Variants in ADGRE2 observed in about 807,000 individuals in gnomAD.
ADGRE2 encodes adhesion G protein-coupled receptor E2, also known as CD97 antigen.
In ADGRE2, 83 loss-of-function variants were observed where a neutral mutation model predicts 100.8. The observed-to-expected ratio is 0.82, with a 90% CI of 0.69 to 0.99. The LOEUF is 0.99. ADGRE2 is among the 50% of genes least tolerant of loss of function. The probability of loss-of-function intolerance (pLI) is 0.00; values close to 1 mark genes in which losing one functional copy is unlikely to be tolerated. For missense variants in ADGRE2, 814 were observed against 1,035.7 expected, an observed-to-expected ratio of 0.79 and a Z score of 2.94; for synonymous variants, 355 against 413.0, an observed-to-expected ratio of 0.86 and a Z score of 1.70.
In ADGRE2 at chr19:14,759,944, G is replaced by T. The variant is rs981086664; in HGVS notation, c.1085-3599C>A. On this transcript the variant is annotated intron_variant, in intron 11 of 20. Transcript: ENST00000315576. ...CGCCATTCTCCTGCCTCAGTCTCCC[G>T]AGTAGCTGGGACTACAGGCACCCGC... Among the ~76,000 whole-genome samples, 14 of 149,460 alleles carry T rather than the reference G, an allele frequency of 9.4e-5. No homozygotes were observed. The East Asian group carries it at 2.6e-3, about 28-fold the overall frequency.
At chr19:14,759,505 T>TATATATATATATA (rs60321111) in intron 11 of ADGRE2, among the ~76,000 whole-genome samples, 79 of 61,396 alleles carry the variant, frequency 1.3e-3, no homozygotes, top group African/African-American at 4.6e-3. Flanking sequence ...ATATATATAT[T>TATATATATATATA]TTTTTTTTTT....
the ADGRE2 span, among the ~76,000 whole-genome samples, chr19:14,725,415 CA>C: frequency 6.6e-6 from 1 of 152,134 alleles, no homozygotes; most frequent in African/African-American, 2.4e-5. Context: ...TTGCAAAATA[CA>C]ATCATCCCTT....
At position 14,776,948 on chromosome 19, in the gene ADGRE2, A is replaced by G. The variant is rs1269858024; in HGVS notation, c.-171-21T>C. 1.4e-4 allele frequency: 197 copies of G among 1,426,608 alleles called. 6 individuals carry two copies. The highest frequency in any genetic ancestry group is 1.3e-3 in the South Asian group (93 of 70,012). The allele number at this position is 1,426,608 out of a possible 1,614,324, so 88.4% of individuals were successfully genotyped here. On this transcript the variant is annotated intron_variant, in intron 1 of 20. Transcript: ENST00000315576. ...TGCAGCTGGAAGCCAGCAGGAAAGC[A>G]CAATAAAAACACAGAACCAGGGGCG...
At chr19:14,756,147 C>A in intron 12 of ADGRE2, 91 bp downstream of exon 12, 1 of 1,065,792 alleles carries the variant, frequency 9.4e-7, no homozygotes, top group Non-Finnish European at 1.4e-6. Context: ...CCACACTTCC[C>A]TTTAATCTTT....
At chr19:14,736,458 A>G (rs1379212303) in intron 20 of ADGRE2, among the ~76,000 whole-genome samples, 3 of 151,912 alleles carry the variant, frequency 2.0e-5, no homozygotes, top group Admixed American at 1.3e-4. Flanking sequence ...ACAGGGTTTC[A>G]CCACGTAGGC....
the ADGRE2 span, among the ~76,000 whole-genome samples, chr19:14,724,716 ACAT>A: frequency 0.12 from 18,312 of 152,180 alleles, 1,296 homozygotes; most frequent in African/African-American, 0.2. Flanking sequence ...CAGTGAGCCG[ACAT>A]CATGCCATTG....
chr19:14,751,744 G>C, intron 15 of ADGRE2, 73 bp from the exon 16 acceptor site: 2 of 1,042,220 alleles, frequency 1.9e-6, no homozygotes, highest in Non-Finnish European at 2.9e-6. Flanking sequence ...CCTGTACCAT[G>C]TTGTTGGGGA....
At chr19:14,771,324 C>T (rs2044200097) in intron 5 of ADGRE2, among the ~76,000 whole-genome samples, 1 of 152,210 alleles carries the variant, frequency 6.6e-6, no homozygotes, top group Admixed American at 6.5e-5. Context: ...CCTTCCCTTC[C>T]CACTCTGTGT....
chr19:14,736,983 A>G (rs2042777883), intron 20 of ADGRE2, among the ~76,000 whole-genome samples: 1 of 148,666 alleles, frequency 6.7e-6, no homozygotes. Flanking sequence ...TTTGAAAAAG[A>G]AATAAGAAAT....
chr19:14,744,875 G>T (rs1175058677), intron 18 of ADGRE2, among the ~76,000 whole-genome samples: 5 of 150,898 alleles, frequency 3.3e-5, no homozygotes, highest in African/African-American at 1.2e-4. Context: ...GAACAGGCAA[G>T]AAAATGTACG....
At position 14,765,301 on chromosome 19, in the gene ADGRE2, C is replaced by T; in HGVS notation, c.906+19G>A. 6.2e-7 allele frequency: 1 copy of T among 1,613,994 alleles called. No individual in the cohort carries two copies. Among genetic ancestry groups the T allele is most frequent in the Non-Finnish European group, 8.5e-7 (1 of 1,179,968 alleles). On this transcript the variant is annotated intron_variant, in intron 10 of 20. Coordinates refer to ENST00000315576, the MANE Select transcript of ADGRE2 (RefSeq NM_013447.4). ...GCCACCTTCCTGCCTCGCCCCCTTG[C>T]CCTGGGTCCTGTCCTTACCTGGATG...
chr19:14,748,237 T>A (rs2043151385), intron 16 of ADGRE2, among the ~76,000 whole-genome samples: 1 of 152,216 alleles, frequency 6.6e-6, no homozygotes, highest in Admixed American at 6.5e-5. Flanking sequence ...GGTATTTGAT[T>A]TTCTGTTCCT....
At chr19:14,773,097 A>AAAAAAAAG (rs1568627127) in intron 4 of ADGRE2, among the ~76,000 whole-genome samples, 1 of 110,296 alleles carries the variant, frequency 9.1e-6, no homozygotes, top group African/African-American at 3.7e-5. Flanking sequence ...AAAAAAAAAA[A>AAAAAAAAG]ACAAAAAAAA....
Position 14,743,766 on chromosome 19 carries a change from C to T in ADGRE2, c.2202G>A (p.Ala734=), listed in dbSNP as rs200359297. 304 of 1,614,126 alleles carry T rather than the reference C, an allele frequency of 1.9e-4. No individual in the cohort carries two copies. The highest frequency in any genetic ancestry group is 3.3e-4 in the Middle Eastern group (2 of 6,062). Reference sequence around the variant, plus strand: ...AGCCCAGGATGAACAGCTGAGCTGTCGCTTTAAATGCCAGCATCCTGGATT... The same window carrying T: ...AGCCCAGGATGAACAGCTGAGCTGTTGCTTTAAATGCCAGCATCCTGGATT... ...LRNTRMLAFK[A]TAQLFILGCT... is the part of the protein sequence containing the mutation. Residue 734 remains alanine (A), a synonymous_variant, in exon 19 of 21, where the codon GCG becomes GCA. Coordinates refer to ENST00000315576, the MANE Select transcript of ADGRE2 (RefSeq NM_013447.4).
downstream of ADGRE2, among the ~76,000 whole-genome samples, chr19:14,728,140 G>A (rs534111145): frequency 3.1e-4 from 47 of 152,214 alleles, no homozygotes; most frequent in Non-Finnish European, 6.6e-4. Context: ...GTGAGCCTGG[G>A]AAGCGGAGCT....
At chr19:14,748,011 T>C (rs908675773) in intron 16 of ADGRE2, among the ~76,000 whole-genome samples, 1 of 152,174 alleles carries the variant, frequency 6.6e-6, no homozygotes, top group Non-Finnish European at 1.5e-5. Context: ...GAGGTACATT[T>C]TGTAGGTTTG....
intron 5 of ADGRE2, among the ~76,000 whole-genome samples, chr19:14,767,970 C>G (rs796828925): frequency 7.2e-5 from 11 of 152,330 alleles, no homozygotes; most frequent in African/African-American, 2.4e-4. Flanking sequence ...GGTCATGGGT[C>G]CTTCTCAGTG....
At chr19:14,740,351 G>T (rs1417093332) in intron 20 of ADGRE2, among the ~76,000 whole-genome samples, 1 of 152,056 alleles carries the variant, frequency 6.6e-6, no homozygotes, top group Non-Finnish European at 1.5e-5. Context: ...GCCAGGTGTG[G>T]TGGCTCACGC....
intron 20 of ADGRE2, among the ~76,000 whole-genome samples, 166 bp from the exon 21 acceptor site, chr19:14,736,410 T>C (rs2042746408): frequency 1.3e-5 from 2 of 152,026 alleles, no homozygotes; most frequent in South Asian, 2.1e-4. Context: ...TAGAGGCATG[T>C]GCCACCACAC....
Sources: allele counts gnomAD v4.1 joint callset (sites outside exome capture counted in the v4.1 genomes callset), GRCh38; gene constraint gnomAD v4.1.1; transcripts MANE v1.5; gene names NCBI Gene and HGNC (gene_info 2026-07-23, HGNC 2026-07-21).